GRIP2: variants seen among roughly 807,000 people sequenced by gnomAD.
GRIP2 encodes glutamate receptor interacting protein 2, also known as glutamate receptor-interacting protein 2.
GRIP2 carries 58 observed loss-of-function variants against 108.3 expected under a neutral mutation model. The observed-to-expected ratio is 0.54, with a 90% confidence interval of 0.43 to 0.67. The LOEUF (loss-of-function observed/expected upper bound fraction) is 0.67. Among genes scored for constraint, GRIP2 ranks in the 30% least tolerant of loss-of-function variants. GRIP2 has a pLI of 0.00. For synonymous variants in GRIP2, 586 were observed against 598.2 expected (o/e 0.98, Z 0.30); for missense variants, 1,278 against 1,430.6 (o/e 0.89, Z 1.72).
At chr3:14,495,122 C>G (rs1693551717) in intron 22 of GRIP2, 133 bp from the exon 23 acceptor site, 1 of 1,191,084 alleles carries the variant, frequency 8.4e-7, no homozygotes, top group African/African-American at 1.5e-5. Flanking sequence ...GCACCCCAGC[C>G]TCTTGCCCCT....
At chr3:14,561,422 C>T in the GRIP2 span, among the ~76,000 whole-genome samples, 15 of 152,060 alleles carry the variant, frequency 9.9e-5, no homozygotes, top group Admixed American at 5.2e-4. Flanking sequence ...CTCACTTTCT[C>T]GGTCCCAAGG....
At chr3:14,600,728 T>G in the GRIP2 span, among the ~76,000 whole-genome samples, 1 of 152,200 alleles carries the variant, frequency 6.6e-6, no homozygotes, top group Non-Finnish European at 1.5e-5. Flanking sequence ...AATTTTCCTG[T>G]GGCCCAGAGA....
chr3:14,574,191 C>G, the GRIP2 span: 1 of 879,684 alleles, frequency 1.1e-6, no homozygotes, highest in African/African-American at 1.6e-5. Context: ...GAAGGTGAGC[C>G]AGTGGGTGAA....
chr3:14,542,265 C>CA (rs1321899840), upstream of GRIP2, among the ~76,000 whole-genome samples: 2 of 152,112 alleles, frequency 1.3e-5, no homozygotes, highest in Non-Finnish European at 2.9e-5. Context: ...ATGATCCTCC[C>CA]ACCTCAGCCT....
the GRIP2 span, chr3:14,573,365 CT>C: frequency 1.5e-6 from 2 of 1,337,804 alleles, no homozygotes; most frequent in Non-Finnish European, 2.1e-6. Flanking sequence ...CTGCCAGCTT[CT>C]CCAGGTCCCG....
intron 21 of GRIP2, among the ~76,000 whole-genome samples, chr3:14,498,228 G>A (rs992868676): frequency 1.3e-5 from 2 of 152,160 alleles, no homozygotes; most frequent in African/African-American, 4.8e-5. Flanking sequence ...TTGGGAGGCG[G>A]AGGCAGGAGG....
chr3:14,511,133 CT>C lies in GRIP2; in HGVS notation c.1933+31del. ...AACCCGCTAGTCAAAGGGTGGGCCT[CT>C]GGAGGTAGGAGGCCAGCATGAGGGC... On this transcript the variant is annotated intron_variant, in intron 16 of 23. Coordinates refer to ENST00000621039, the MANE Select transcript of GRIP2 (RefSeq NM_001080423.4). This position sits in a 1 kb window ranked among gnomAD's most constrained non-coding sequence, Gnocchi z 4.1. 3 of 1,611,476 alleles carry C rather than the reference CT, an allele frequency of 1.9e-6. No homozygotes were observed. The highest frequency in any genetic ancestry group is 2.5e-6 in the Non-Finnish European group (3 of 1,178,678).
chr3:14,517,136 C>A lies in GRIP2; in HGVS notation c.1234G>T (p.Gly412Ter). ...SCNNPSTLPR[G>*]SQPMSPRTTM... is the part of the protein sequence containing the mutation. ...GTTCGAGGACTCATGGGCTGGGATC[C>A]ACGGGGAAGGGTGCTGGGGTTGTTG... Residue 412 changes from glycine to a stop codon, truncating the protein, a stop_gained, in exon 11 of 24, where the codon GGA becomes TGA. Transcript: ENST00000621039. LOFTEE classifies it high-confidence loss of function. 1 of 1,610,652 alleles carries A rather than the reference C, an allele frequency of 6.2e-7. No homozygotes were observed. The highest frequency in any genetic ancestry group is 2.2e-5 in the East Asian group (1 of 44,456).
the GRIP2 span, among the ~76,000 whole-genome samples, chr3:14,602,863 T>C: frequency 6.6e-6 from 1 of 151,174 alleles, no homozygotes; most frequent in Non-Finnish European, 1.5e-5. This position sits in a 1 kb window ranked among gnomAD's most constrained non-coding sequence, Gnocchi z 4.7. Context: ...AGCTCAGCTC[T>C]GGGTCCGCCC....
At chr3:14,497,561 C>A (rs759170401) in intron 21 of GRIP2, among the ~76,000 whole-genome samples, 1 of 152,140 alleles carries the variant, frequency 6.6e-6, no homozygotes, top group Non-Finnish European at 1.5e-5. Flanking sequence ...GCCAGTCCTG[C>A]GGCGCCCTCT....
rs1399434161 is a variant in GRIP2, at chr3:14,492,760, A to G, written c.*905T>C. 1 of 152,226 alleles carries G rather than the reference A, an allele frequency of 6.6e-6. No individual in the cohort carries two copies. The highest frequency in any genetic ancestry group is 2.4e-5 in the African/African-American group (1 of 41,444). 9.4% of individuals were successfully genotyped at this position (152,226 alleles called of 1,614,324 possible). A position where few individuals can be genotyped will look rare whatever the true frequency, so the allele number is the denominator to read the frequency against. ...CTTTTGCCCCAAAATGACCCCTCCC[A>G]CATGGAGGGGCTTGGGCTGAGCGGA... On this transcript the variant is annotated 3_prime_UTR_variant, in exon 24 of 24. Coordinates refer to ENST00000621039, the MANE Select transcript of GRIP2 (RefSeq NM_001080423.4).
chr3:14,514,557 C>A (rs1053864067), intron 11 of GRIP2, 79 bp from the exon 12 acceptor site: 2 of 1,409,378 alleles, frequency 1.4e-6, no homozygotes, highest in Admixed American at 5.2e-5. Flanking sequence ...ATCCCGGGGC[C>A]CTAGGCACTG....
At chr3:14,541,921 T>G (rs753231129), upstream of GRIP2, 3 of 1,345,458 alleles carry the variant, frequency 2.2e-6, no homozygotes, top group South Asian at 3.6e-5. Flanking sequence ...AGGCTCGCCA[T>G]GAAGACCCTG....
the GRIP2 span, among the ~76,000 whole-genome samples, chr3:14,599,679 C>CTGTGTGTGTGTG: frequency 6.4e-4 from 69 of 107,058 alleles, no homozygotes; most frequent in Middle Eastern, 3.8e-3. Context: ...CTCTCTCTCT[C>CTGTGTGTGTGTG]TCTCTCTGTG....
chr3:14,506,198 C>T (rs1387384565), intron 19 of GRIP2, among the ~76,000 whole-genome samples: 1 of 152,198 alleles, frequency 6.6e-6, no homozygotes, highest in Non-Finnish European at 1.5e-5. Flanking sequence ...AACGGGCTGG[C>T]AGCCACCTAC....
rs575129296 is a variant in GRIP2, at chr3:14,512,152, G to T, written c.1720+625C>A. ...ACGGTCTCAGATGCAAAGGCCCAGAGGCAGGAAGGGGCAGGCATGGCAGGG... is the reference window on the plus strand; with the variant it reads ...ACGGTCTCAGATGCAAAGGCCCAGATGCAGGAAGGGGCAGGCATGGCAGGG... On this transcript the variant is annotated intron_variant, in intron 14 of 23. Coordinates refer to ENST00000621039, the MANE Select transcript of GRIP2 (RefSeq NM_001080423.4). This position sits in a 1 kb window ranked among gnomAD's most constrained non-coding sequence, Gnocchi z 5.1. Among the ~76,000 whole-genome samples, 3 of 152,272 alleles carry T rather than the reference G, an allele frequency of 2.0e-5. No individual in the cohort carries two copies. The East Asian group carries it at 5.8e-4, about 29-fold the overall frequency.
the GRIP2 span, chr3:14,573,731 G>T: frequency 7.6e-6 from 11 of 1,448,172 alleles, no homozygotes; most frequent in South Asian, 2.3e-5. Context: ...ACTCACGGGG[G>T]TCCTCCCAAG....
chr3:14,582,475 A>G, the GRIP2 span, among the ~76,000 whole-genome samples: 1 of 152,166 alleles, frequency 6.6e-6, no homozygotes, highest in East Asian at 1.9e-4. Context: ...TCTAGCTTGG[A>G]TGTTTTAGGA....
At chr3:14,586,160 G>A in the GRIP2 span, among the ~76,000 whole-genome samples, 1 of 152,050 alleles carries the variant, frequency 6.6e-6, no homozygotes, top group Non-Finnish European at 1.5e-5. Context: ...CCCTTGGTTG[G>A]GCCCCACACA....
Sources: allele counts gnomAD v4.1 joint callset (sites outside exome capture counted in the v4.1 genomes callset), GRCh38; gene constraint gnomAD v4.1.1; non-coding constraint Gnocchi (gnomAD v3.1); transcripts MANE v1.5; gene names NCBI Gene and HGNC (gene_info 2026-07-23, HGNC 2026-07-21).